Variants in CTNNA3 observed in about 807,000 individuals in gnomAD.
CTNNA3 encodes the protein catenin alpha 3.
In CTNNA3, 76 loss-of-function variants were observed where a neutral mutation model predicts 95.7. The ratio of observed to expected loss-of-function variants is 0.79; its 90% CI spans 0.66 to 0.96. CTNNA3 has a LOEUF of 0.96. Among genes scored for constraint, CTNNA3 ranks in the 40% least tolerant of loss-of-function variants. The probability of loss-of-function intolerance (pLI) is 0.00; values close to 1 mark genes in which losing one functional copy is unlikely to be tolerated. For missense variants in CTNNA3, 1,191 were observed against 1,089.8 expected (o/e 1.09, Z -1.31); for synonymous variants, 431 against 374.4 (o/e 1.15, Z -1.74).
chr10:67,563,884 A>G lies in CTNNA3; in HGVS notation c.293-24215T>C, dbSNP rs561933597. 1.7e-4 allele frequency among the ~76,000 whole-genome samples: 25 copies of G among 149,586 alleles called. No individual in the cohort carries two copies. In the East Asian group the frequency reaches 4.8e-3, roughly 29 times the overall value. Reference sequence around the variant, plus strand: ...AGACATTTATGCAGCCAACAGACACATGAAAAAATGCTCATCATCACTGGC... The same window carrying G: ...AGACATTTATGCAGCCAACAGACACGTGAAAAAATGCTCATCATCACTGGC... On this transcript the variant is annotated intron_variant, in intron 3 of 17. Coordinates refer to ENST00000433211, the MANE Select transcript of CTNNA3 (RefSeq NM_013266.4).
chr10:66,091,916 A>G (rs2081228389), intron 14 of CTNNA3, among the ~76,000 whole-genome samples: 1 of 151,880 alleles, frequency 6.6e-6, no homozygotes, highest in African/African-American at 2.4e-5. Context: ...AAAGCTATGC[A>G]TATAAGATAA....
intron 6 of CTNNA3, among the ~76,000 whole-genome samples, chr10:67,218,194 A>G (rs942340921): frequency 6.6e-6 from 1 of 152,168 alleles, no homozygotes; most frequent in South Asian, 2.1e-4. Context: ...TATCTACTCT[A>G]ACAAATTTCA....
At chr10:67,352,594 T>C (rs1292702544) in intron 5 of CTNNA3, among the ~76,000 whole-genome samples, 1 of 152,028 alleles carries the variant, frequency 6.6e-6, no homozygotes, top group Non-Finnish European at 1.5e-5. Context: ...AAAATTAAGA[T>C]AGAAAGGTAT....
At chr10:66,379,118 G>T (rs369680630) in intron 12 of CTNNA3, 34 bp downstream of exon 12, 14 of 1,524,844 alleles carry the variant, frequency 9.2e-6, no homozygotes, top group East Asian at 2.3e-5. Flanking sequence ...TCAAATAAGA[G>T]AAATTGTGCA....
At chr10:67,684,284 T>C (rs976612684) in intron 1 of CTNNA3, among the ~76,000 whole-genome samples, 3 of 152,158 alleles carry the variant, frequency 2.0e-5, no homozygotes, top group African/African-American at 7.2e-5. Flanking sequence ...AACCTTTAGC[T>C]AGACACAGAG....
intron 5 of CTNNA3, among the ~76,000 whole-genome samples, chr10:67,391,693 G>C (rs1844494696): frequency 6.7e-6 from 1 of 149,156 alleles, no homozygotes; most frequent in Non-Finnish European, 1.5e-5. Flanking sequence ...CATGGTACTG[G>C]TACCAAAACA....
intron 7 of CTNNA3, among the ~76,000 whole-genome samples, chr10:66,817,774 A>G (rs1024787290): frequency 6.6e-6 from 1 of 152,066 alleles, no homozygotes; most frequent in Non-Finnish European, 1.5e-5. Context: ...AAAAGAGGAC[A>G]AAAAACTTCC....
chr10:66,725,703 G>C (rs1848760341), intron 9 of CTNNA3, among the ~76,000 whole-genome samples: 1 of 152,098 alleles, frequency 6.6e-6, no homozygotes, highest in African/African-American at 2.4e-5. Flanking sequence ...GCTATACGAA[G>C]TACATGATAA....
intron 9 of CTNNA3, among the ~76,000 whole-genome samples, chr10:66,622,763 G>A (rs767450456): frequency 5.3e-5 from 8 of 151,964 alleles, no homozygotes; most frequent in African/African-American, 9.7e-5. Flanking sequence ...ATCCAGTTGC[G>A]GAGAAACTAC....
At chr10:67,283,691 C>A (rs1839487121) in intron 5 of CTNNA3, among the ~76,000 whole-genome samples, 1 of 152,150 alleles carries the variant, frequency 6.6e-6, no homozygotes. Context: ...TACTTTACTT[C>A]CTGTCATTCC....
chr10:66,795,103 T>C (rs10762105), intron 7 of CTNNA3, among the ~76,000 whole-genome samples: 2 of 152,042 alleles, frequency 1.3e-5, no homozygotes, highest in Admixed American at 1.3e-4. Context: ...AATATAATGT[T>C]GATATTTTGA....
chr10:67,342,859 A>T (rs1164529820), intron 5 of CTNNA3, among the ~76,000 whole-genome samples: 1 of 152,052 alleles, frequency 6.6e-6, no homozygotes, highest in African/African-American at 2.4e-5. Flanking sequence ...AGTAAATTTG[A>T]AGTTAGGTAA....
intron 11 of CTNNA3, among the ~76,000 whole-genome samples, chr10:66,396,236 A>G (rs561812359): frequency 6.6e-6 from 1 of 152,174 alleles, no homozygotes; most frequent in East Asian, 1.9e-4. Context: ...TTAACTCTGA[A>G]AGCATATGCA....
intron 7 of CTNNA3, among the ~76,000 whole-genome samples, chr10:67,093,390 C>T (rs1857776708): frequency 6.6e-6 from 1 of 151,742 alleles, no homozygotes; most frequent in Admixed American, 6.6e-5. Flanking sequence ...TACTGTTGAA[C>T]ACCCTAATCT....
intron 2 of CTNNA3, among the ~76,000 whole-genome samples, chr10:67,614,663 C>T (rs1185658824): frequency 6.6e-6 from 1 of 152,190 alleles, no homozygotes; most frequent in Non-Finnish European, 1.5e-5. Flanking sequence ...ACCCACTGCT[C>T]ATCTCCTGCT....
intron 7 of CTNNA3, among the ~76,000 whole-genome samples, chr10:66,815,102 A>T (rs1239422164): frequency 1.3e-5 from 2 of 152,142 alleles, no homozygotes; most frequent in Non-Finnish European, 2.9e-5. Context: ...TTTTATATAC[A>T]AAAATGAAAT....
intron 12 of CTNNA3, among the ~76,000 whole-genome samples, chr10:66,342,603 A>C (rs2092465143): frequency 6.6e-6 from 1 of 152,098 alleles, no homozygotes; most frequent in Non-Finnish European, 1.5e-5. Flanking sequence ...TATTGTCAAT[A>C]AAGGAGAGCT....
In CTNNA3 at chr10:67,195,943, C is replaced by A. The variant is rs149875432; in HGVS notation, c.844-15423G>T. 2.8e-3 allele frequency among the ~76,000 whole-genome samples: 429 copies of A among 152,086 alleles called. 5 individuals carry two copies. Among genetic ancestry groups the A allele is most frequent in the Middle Eastern group, 3.4e-3 (1 of 294 alleles). On this transcript the variant is annotated intron_variant, in intron 6 of 17. Transcript: ENST00000433211. Reference sequence around the variant, plus strand: ...ACACCTATTCTCCAAAGTGAAATTGCCTATCAAATGAGATGCAGCTACAAT... The same window carrying A: ...ACACCTATTCTCCAAAGTGAAATTGACTATCAAATGAGATGCAGCTACAAT...
At chr10:66,195,514 C>A (rs12360306) in intron 13 of CTNNA3, among the ~76,000 whole-genome samples, 23,672 of 152,112 alleles carry the variant, frequency 0.16, 2,290 homozygotes, top group Middle Eastern at 0.22. Context: ...ACATAATAGC[C>A]CTGTCTCAGT....
Sources: gnomAD v4.1 joint callset for allele counts (sites outside exome capture counted in the v4.1 genomes callset) on GRCh38, gnomAD v4.1.1 for gene constraint, MANE v1.5 for transcripts, NCBI Gene and HGNC (gene_info 2026-07-23, HGNC 2026-07-21) for gene names.